TUB: variants seen among roughly 807,000 people sequenced by gnomAD.
TUB encodes the protein TUB bipartite transcription factor, also known as tubby protein homolog.
TUB carries 33 observed loss-of-function variants against 59.7 expected under a neutral mutation model. The ratio of observed to expected loss-of-function variants is 0.55; its 90% CI spans 0.42 to 0.74. The LOEUF is 0.74. TUB is among the 30% of genes least tolerant of loss of function. The pLI is 0.00. For synonymous variants in TUB, 293 were observed against 256.4 expected, an observed-to-expected ratio of 1.14 and a Z score of -1.36; for missense variants, 659 against 672.0, an observed-to-expected ratio of 0.98 and a Z score of 0.21.
intron 2 of TUB, among the ~76,000 whole-genome samples, chr11:8,061,044 C>T (rs1262472066): frequency 6.6e-6 from 1 of 152,218 alleles, no homozygotes; most frequent in Non-Finnish European, 1.5e-5. Context: ...CATCAGGGTG[C>T]CCCATGGTGG....
intron 9 of TUB, among the ~76,000 whole-genome samples, chr11:8,100,302 A>G (rs1589994491): frequency 6.6e-6 from 1 of 152,178 alleles, no homozygotes; most frequent in African/African-American, 2.4e-5. Context: ...AGAAGCAAGG[A>G]TGACGCATAA....
intron 2 of TUB, among the ~76,000 whole-genome samples, chr11:8,071,035 A>G (rs1187361573): frequency 6.6e-6 from 1 of 151,792 alleles, no homozygotes; most frequent in Non-Finnish European, 1.5e-5. Flanking sequence ...TATATATATT[A>G]ACTATTAAGT....
At chr11:8,070,125 C>A (rs1321951719) in intron 2 of TUB, among the ~76,000 whole-genome samples, 1 of 152,220 alleles carries the variant, frequency 6.6e-6, no homozygotes, top group African/African-American at 2.4e-5. Context: ...TAAATCATCA[C>A]CACAGGGAAG....
chr11:8,084,104 C>T (rs909646474), intron 1 of TUB, among the ~76,000 whole-genome samples: 1 of 152,150 alleles, frequency 6.6e-6, no homozygotes, highest in African/African-American at 2.4e-5. Flanking sequence ...AATGTCACAG[C>T]ATGTCAGAGC....
At chr11:8,022,915 CAAAA>C (rs1264129815) in intron 1 of TUB, among the ~76,000 whole-genome samples, 4 of 152,062 alleles carry the variant, frequency 2.6e-5, no homozygotes, top group African/African-American at 7.2e-5. Flanking sequence ...CAAAACAAAA[CAAAA>C]AACACACAAA....
chr11:8,074,096 G>GTTT (rs112714039), intron 2 of TUB, among the ~76,000 whole-genome samples: 7 of 149,672 alleles, frequency 4.7e-5, no homozygotes, highest in African/African-American at 1.7e-4. Context: ...GGTTTTTGTG[G>GTTT]TTTTTTTTTT....
chr11:8,073,717 CTCTT>C (rs1292525057), intron 2 of TUB, among the ~76,000 whole-genome samples: 2 of 152,244 alleles, frequency 1.3e-5, no homozygotes, highest in East Asian at 3.8e-4. Context: ...CTCAGAACCA[CTCTT>C]TCTATTTATA....
chr11:8,026,925 A>G (rs1478209205), intron 1 of TUB, among the ~76,000 whole-genome samples: 2 of 152,172 alleles, frequency 1.3e-5, no homozygotes, highest in Non-Finnish European at 2.9e-5. Context: ...TTGAGGGGAT[A>G]GATCATCTTA....
At chr11:8,049,543 C>CCAT (rs1397310350) in intron 2 of TUB, among the ~76,000 whole-genome samples, 1 of 125,384 alleles carries the variant, frequency 8.0e-6, no homozygotes, top group African/African-American at 3.1e-5. Context: ...CCTTTTAGAA[C>CCAT]CATGGTGGTA....
intron 2 of TUB, among the ~76,000 whole-genome samples, chr11:8,049,578 T>TATATATATATATATATATAGATAG (rs1055522231): frequency 7.0e-5 from 6 of 85,912 alleles, no homozygotes; most frequent in Non-Finnish European, 1.7e-4. Context: ...TATATATATA[T>TATATATATATATATATATAGATAG]ATAGATAGAT....
At position 8,041,727 on chromosome 11, in the gene TUB, G is replaced by A. The variant is rs985055018; in HGVS notation, c.203+2035G>A. ...CTTGTTCCTATTCTATCTGAGCTCTGTTGCTTGTCACTTCAACTGCCCACC... is the reference window on the plus strand; with the variant it reads ...CTTGTTCCTATTCTATCTGAGCTCTATTGCTTGTCACTTCAACTGCCCACC... On this transcript the variant is annotated intron_variant, in intron 2 of 12. Transcript: ENST00000305253. Among the ~76,000 whole-genome samples the A allele has an allele frequency of 1.1e-4, 17 of 152,242 alleles. No homozygotes were observed. In the East Asian group the frequency reaches 2.5e-3, roughly 22 times the overall value.
chr11:8,020,495 C>CT (rs1261634320), intron 1 of TUB, among the ~76,000 whole-genome samples: 1 of 152,224 alleles, frequency 6.6e-6, no homozygotes, highest in African/African-American at 2.4e-5. Context: ...TCCCATCTGT[C>CT]TCCTCCATCT....
At chr11:8,020,121 T>A (rs1177757899) in intron 1 of TUB, among the ~76,000 whole-genome samples, 1 of 152,268 alleles carries the variant, frequency 6.6e-6, no homozygotes, top group Non-Finnish European at 1.5e-5. Flanking sequence ...TTCTACCTTT[T>A]GTTGGTGTGT....
At chr11:8,052,908 C>T (rs1029272467) in intron 2 of TUB, among the ~76,000 whole-genome samples, 4 of 152,096 alleles carry the variant, frequency 2.6e-5, no homozygotes, top group Admixed American at 6.5e-5. Flanking sequence ...AGTTAATTTT[C>T]TTAGATTTTG....
chr11:8,054,710 A>G (rs1383954717), intron 2 of TUB, among the ~76,000 whole-genome samples: 1 of 152,218 alleles, frequency 6.6e-6, no homozygotes, highest in Non-Finnish European at 1.5e-5. Flanking sequence ...CTCTGCAGCC[A>G]TGGAGATTTC....
At chr11:8,081,972 A>T (rs934535484) in intron 1 of TUB, among the ~76,000 whole-genome samples, 2 of 152,192 alleles carry the variant, frequency 1.3e-5, no homozygotes, top group Non-Finnish European at 2.9e-5. Flanking sequence ...GTCGGTTCAC[A>T]CTCTCAAAGC....
At chr11:8,038,505 C>T (rs1340799901), upstream of TUB, 1 of 648,490 alleles carries the variant, frequency 1.5e-6, no homozygotes, top group East Asian at 1.2e-4. Context: ...CCAGATGGGG[C>T]CTTTGTCCGC....
intron 3 of TUB, among the ~76,000 whole-genome samples, chr11:8,092,465 G>C (rs116628102): frequency 6.6e-6 from 1 of 152,118 alleles, no homozygotes; most frequent in Non-Finnish European, 1.5e-5. Context: ...CTTGTGACTG[G>C]GGCAAGCCAT....
chr11:8,039,079 G>C (rs573902059), intron 1 of TUB: 15 of 1,593,462 alleles, frequency 9.4e-6, no homozygotes, highest in East Asian at 6.7e-5. Flanking sequence ...CATTGCGTCA[G>C]CTCCACCCAC....
Sources: allele counts gnomAD v4.1 joint callset (sites outside exome capture counted in the v4.1 genomes callset), GRCh38; gene constraint gnomAD v4.1.1; transcripts MANE v1.5; gene names NCBI Gene and HGNC (gene_info 2026-07-23, HGNC 2026-07-21).